CTNNA3: variants seen among roughly 807,000 people sequenced by gnomAD.
The protein encoded by CTNNA3 is catenin alpha 3, also known as catenin alpha-3.
In CTNNA3, 76 loss-of-function variants were observed where a neutral mutation model predicts 95.7. The ratio of observed to expected loss-of-function variants is 0.79; its 90% CI spans 0.66 to 0.96. The LOEUF (loss-of-function observed/expected upper bound fraction) is 0.96. Among genes scored for constraint, CTNNA3 ranks in the 40% least tolerant of loss-of-function variants. The pLI, the probability that CTNNA3 is intolerant of heterozygous loss-of-function variation, is 0.00. For synonymous variants in CTNNA3, 431 were observed against 374.4 expected (o/e 1.15, Z -1.74); for missense variants, 1,191 against 1,089.8 (o/e 1.09, Z -1.31).
At position 66,899,691 on chromosome 10, in the gene CTNNA3, C is replaced by T. The variant is rs139268559; in HGVS notation, c.1048-124167G>A. Among the ~76,000 whole-genome samples, 29 of 152,240 alleles carry T rather than the reference C, an allele frequency of 1.9e-4. No individual in the cohort carries two copies. The East Asian group carries it at 3.9e-3, about 20-fold the overall frequency. ...TGGTCTTAGCAACCGGCAGACCAGG[C>T]GATTCCCTCCCATGTCTGGCTCAGC... On this transcript the variant is annotated intron_variant, in intron 7 of 17. Coordinates refer to ENST00000433211, the MANE Select transcript of CTNNA3 (RefSeq NM_013266.4).
intron 11 of CTNNA3, among the ~76,000 whole-genome samples, chr10:66,404,551 T>C (rs2093043139): frequency 6.6e-6 from 1 of 152,176 alleles, no homozygotes; most frequent in African/African-American, 2.4e-5. Flanking sequence ...CTTAAAGTCC[T>C]TTAAGAGAAA....
chr10:66,196,065 A>C (rs1024857938), intron 13 of CTNNA3, among the ~76,000 whole-genome samples: 1 of 152,188 alleles, frequency 6.6e-6, no homozygotes, highest in Admixed American at 6.5e-5. Context: ...AAAATAATAT[A>C]ATGTTTACAT....
At chr10:66,806,261 T>G (rs1043597719) in intron 7 of CTNNA3, among the ~76,000 whole-genome samples, 2 of 143,958 alleles carry the variant, frequency 1.4e-5, no homozygotes, top group Admixed American at 7.0e-5. Context: ...ATATTGGTGT[T>G]TGTGTGTGTG....
chr10:66,313,820 T>C (rs557091378), intron 12 of CTNNA3, among the ~76,000 whole-genome samples: 2 of 152,234 alleles, frequency 1.3e-5, no homozygotes, highest in African/African-American at 4.8e-5. Flanking sequence ...ATTTCACTCA[T>C]TACATCTTAA....
intron 15 of CTNNA3, among the ~76,000 whole-genome samples, chr10:66,050,860 T>C (rs924401577): frequency 6.6e-5 from 6 of 91,478 alleles, no homozygotes; most frequent in African/African-American, 7.4e-5. Flanking sequence ...ATTTCTTACT[T>C]TTTTTTTTTA....
At chr10:67,369,997 T>A (rs1564602783) in intron 5 of CTNNA3, among the ~76,000 whole-genome samples, 1 of 152,204 alleles carries the variant, frequency 6.6e-6, no homozygotes, top group Non-Finnish European at 1.5e-5. Context: ...AAGTTGTATA[T>A]ATGCATGTGT....
intron 3 of CTNNA3, among the ~76,000 whole-genome samples, chr10:67,575,342 G>GGCTATCA (rs1842108183): frequency 6.6e-6 from 1 of 151,684 alleles, no homozygotes; most frequent in African/African-American, 2.4e-5. Context: ...TCAATTGTGT[G>GGCTATCA]TTTTGAGACA....
chr10:67,026,999 T>A (rs1853431506), intron 7 of CTNNA3, among the ~76,000 whole-genome samples: 1 of 152,206 alleles, frequency 6.6e-6, no homozygotes, highest in African/African-American at 2.4e-5. Flanking sequence ...AAATAAATGA[T>A]GATAAAACAT....
chr10:66,430,512 G>A (rs1377348173), intron 11 of CTNNA3, among the ~76,000 whole-genome samples: 1 of 152,150 alleles, frequency 6.6e-6, no homozygotes, highest in Non-Finnish European at 1.5e-5. Context: ...ATACTCCAAG[G>A]CTACAGTAAC....
intron 11 of CTNNA3, among the ~76,000 whole-genome samples, chr10:66,516,478 G>T (rs1337070071): frequency 6.6e-6 from 1 of 152,142 alleles, no homozygotes; most frequent in Non-Finnish European, 1.5e-5. Flanking sequence ...TGTTCAATTA[G>T]AACCTGTTTA....
intron 1 of CTNNA3, among the ~76,000 whole-genome samples, chr10:67,707,553 C>A (rs1184256818): frequency 6.6e-6 from 1 of 152,126 alleles, no homozygotes; most frequent in Non-Finnish European, 1.5e-5. Context: ...TTTTATCTCA[C>A]TGTTCCCAGT....
intron 10 of CTNNA3, among the ~76,000 whole-genome samples, chr10:66,558,067 A>G (rs1352987506): frequency 2.0e-5 from 3 of 152,266 alleles, no homozygotes; most frequent in East Asian, 3.9e-4. Flanking sequence ...CTGGAATGCC[A>G]GAGAACTGTG....
At chr10:67,076,722 A>C (rs1589703652) in intron 7 of CTNNA3, among the ~76,000 whole-genome samples, 2 of 152,240 alleles carry the variant, frequency 1.3e-5, no homozygotes, top group South Asian at 4.1e-4. Context: ...GAATTTGTAC[A>C]TTTAGGTAAC....
intron 13 of CTNNA3, among the ~76,000 whole-genome samples, chr10:66,152,938 C>G (rs1394484520): frequency 6.6e-6 from 1 of 151,860 alleles, no homozygotes; most frequent in African/African-American, 2.4e-5. Flanking sequence ...CTCATTCTCA[C>G]TCTCACCTGG....
chr10:66,410,518 T>C (rs1182131225), intron 11 of CTNNA3, among the ~76,000 whole-genome samples: 1 of 152,158 alleles, frequency 6.6e-6, no homozygotes, highest in Non-Finnish European at 1.5e-5. Context: ...CACGCTTTTA[T>C]CATGCACAAC....
intron 17 of CTNNA3, among the ~76,000 whole-genome samples, chr10:65,959,872 C>T (rs1256022383): frequency 1.3e-5 from 2 of 152,160 alleles, no homozygotes; most frequent in Non-Finnish European, 2.9e-5. Flanking sequence ...GGCTTCATTT[C>T]CATGTGAACT....
intron 7 of CTNNA3, among the ~76,000 whole-genome samples, chr10:66,939,749 C>T (rs1358462711): frequency 6.6e-6 from 1 of 152,100 alleles, no homozygotes; most frequent in Non-Finnish European, 1.5e-5. Context: ...ACGTGATAAA[C>T]AAATTGAAAT....
rs199806480 is a variant in CTNNA3, at chr10:67,422,945, TAAAC to T, written c.579+98893_579+98896del. 4.9e-3 allele frequency among the ~76,000 whole-genome samples: 742 copies of T among 152,252 alleles called. 19 individuals carry two copies. In the East Asian group the frequency reaches 0.072, roughly 15 times the overall value. On this transcript the variant is annotated intron_variant, in intron 5 of 17. Coordinates refer to ENST00000433211, the MANE Select transcript of CTNNA3 (RefSeq NM_013266.4). ...TGTTCTTTCTAAAAGGCCTAGTAAT[TAAAC>T]AAACAAGAAAAGGTTGATCTTTTAA...
At chr10:66,678,761 C>G (rs895232130) in intron 9 of CTNNA3, among the ~76,000 whole-genome samples, 3 of 152,086 alleles carry the variant, frequency 2.0e-5, no homozygotes, top group Non-Finnish European at 4.4e-5. Context: ...TACATTCTTT[C>G]CAAAGAGTCG....
Sources: gnomAD v4.1 joint callset for allele counts (sites outside exome capture counted in the v4.1 genomes callset) on GRCh38, gnomAD v4.1.1 for gene constraint, MANE v1.5 for transcripts, NCBI Gene and HGNC (gene_info 2026-07-23, HGNC 2026-07-21) for gene names.